Variants in TFDP1 observed in about 807,000 individuals in gnomAD.
TFDP1 encodes DRTF1-polypeptide 1.
TFDP1 carries 6 observed loss-of-function variants against 48.0 expected under a neutral mutation model. The observed-to-expected ratio is 0.13, with a 90% confidence interval of 0.07 to 0.25. The LOEUF (loss-of-function observed/expected upper bound fraction) is 0.25, where lower values mean the gene tolerates loss of function less well. Ranked by LOEUF, TFDP1 falls within the 10% of genes least tolerant of loss-of-function variation. The probability of loss-of-function intolerance (pLI) is 1.00; values close to 1 mark genes in which losing one functional copy is unlikely to be tolerated. For synonymous variants in TFDP1, 201 were observed against 211.6 expected (o/e 0.95, Z 0.44); for missense variants, 335 against 543.0 (o/e 0.62, Z 3.81).
chr13:113,636,538 G>T lies in TFDP1; in HGVS notation c.844G>T (p.Glu282Ter). The change falls in exon 10 of 12, where the codon GAG (glutamate) becomes TAG (stop). Residue 282 changes from glutamate (E) to a stop codon, truncating the protein, a stop_gained. Transcript: ENST00000375370. LOFTEE classifies it high-confidence loss of function. ...GACTGTGCCTTTCCCCTTCAGATTT[G>T]AGTATCTGTTTAATTTTGACAACAC... Reference protein sequence around the residue: ...IDCSISNDKFEYLFNFDNTFE... With the variant: ...IDCSISNDKF The T allele has an allele frequency of 6.2e-7, 1 of 1,613,686 alleles. No homozygotes were observed. Among genetic ancestry groups the T allele is most frequent in the South Asian group, 1.1e-5 (1 of 91,052 alleles).
chr13:113,637,535 A>C, intron 10 of TFDP1: 1 of 1,324,126 alleles, frequency 7.6e-7, no homozygotes, highest in Non-Finnish European at 1.0e-6. Context: ...CACGATGGGT[A>C]TGATACTGAG....
Position 113,640,747 on chromosome 13 carries a change from A to G in TFDP1, c.*480A>G, listed in dbSNP as rs1013103353. The stretch of plus-strand genomic sequence containing the variant: ...GTACGGTGTCCAAGCAAACAGCAGA[A>G]TGCAACTTTCTAAACAGCCCCAAGC... On this transcript the variant is annotated 3_prime_UTR_variant, in exon 12 of 12. Coordinates refer to ENST00000375370, the MANE Select transcript of TFDP1 (RefSeq NM_007111.5). The G allele has an allele frequency of 5.6e-6, 1 of 177,426 alleles. No homozygotes were observed. The highest frequency in any genetic ancestry group is 6.5e-5 in the Admixed American group (1 of 15,432). The allele number at this position is 177,426 out of a possible 1,614,324, so 11.0% of individuals were successfully genotyped here.
chr13:113,633,860 T>G lies in TFDP1; in HGVS notation c.475-30T>G, dbSNP rs1215017419. ...AGGATCCACCGGCCTTTTTGGATCA[T>G]TTGGAAACTCCACTCCCTGTCATCC... On this transcript the variant is annotated intron_variant, in intron 6 of 11. Transcript: ENST00000375370. This position sits in a 1 kb window ranked among gnomAD's most constrained non-coding sequence, Gnocchi z 4.5. The G allele has an allele frequency of 6.3e-7, 1 of 1,585,172 alleles. No homozygotes were observed. The highest frequency in any genetic ancestry group is 2.2e-5 in the East Asian group (1 of 44,646).
In TFDP1 at chr13:113,585,893, A is replaced by G. The variant is rs1258120389; in HGVS notation, c.12+44A>G. 14 of 1,588,562 alleles carry G rather than the reference A, an allele frequency of 8.8e-6. No homozygotes were observed. In the African/African-American group the frequency reaches 1.7e-4, roughly 20 times the overall value. On this transcript the variant is annotated intron_variant, in intron 2 of 11. Transcript: ENST00000375370. ...TGCTGCACACGAATGTTTGCCTCGC[A>G]CTAAATTCTTTGTAGTTCTCTGCCT...
At position 113,633,769 on chromosome 13, in the gene TFDP1, C is replaced by A; in HGVS notation, c.475-121C>A. The A allele has an allele frequency of 8.3e-7, 1 of 1,197,844 alleles. No homozygotes were observed. The highest frequency in any genetic ancestry group is 1.2e-6 in the Non-Finnish European group (1 of 849,536). 74.2% of individuals were successfully genotyped at this position (1,197,844 alleles called of 1,614,324 possible). On this transcript the variant is annotated intron_variant, in intron 6 of 11. Transcript: ENST00000375370. This position sits in a 1 kb window ranked among gnomAD's most constrained non-coding sequence, Gnocchi z 4.5. Reference sequence around the variant, plus strand: ...GTGGGGTGGGAGCGCTCCCTGAGGGCATGTTGGGGTGGCGGCTCCGTGAGC... The same window carrying A: ...GTGGGGTGGGAGCGCTCCCTGAGGGAATGTTGGGGTGGCGGCTCCGTGAGC...
chr13:113,587,569 C>G (rs1179623077), intron 2 of TFDP1, among the ~76,000 whole-genome samples: 1 of 149,274 alleles, frequency 6.7e-6, no homozygotes, highest in Non-Finnish European at 1.5e-5. Context: ...ACTGCAACCT[C>G]TGTCTCCTGG....
At chr13:113,595,567 C>G (rs2048266699) in intron 2 of TFDP1, among the ~76,000 whole-genome samples, 1 of 152,232 alleles carries the variant, frequency 6.6e-6, no homozygotes. Flanking sequence ...TAATTACCCA[C>G]TCCCCTGTGG....
intron 2 of TFDP1, chr13:113,586,061 C>G (rs929937037): frequency 1.3e-5 from 6 of 475,722 alleles, no homozygotes; most frequent in Non-Finnish European, 2.2e-5. Flanking sequence ...CCTTGGATAC[C>G]ACACTGCAGT....
At position 113,623,582 on chromosome 13, in the gene TFDP1, C is replaced by G. The variant is rs545655478; in HGVS notation, c.186+296C>G. Among the ~76,000 whole-genome samples, 3 of 152,296 alleles carry G rather than the reference C, an allele frequency of 2.0e-5. No homozygotes were observed. Among genetic ancestry groups the G allele is most frequent in the Non-Finnish European group, 4.4e-5 (3 of 68,010 alleles). On this transcript the variant is annotated intron_variant, in intron 4 of 11. Transcript: ENST00000375370. This position sits in a 1 kb window ranked among gnomAD's most constrained non-coding sequence, Gnocchi z 5.2. ...GTGGGGCCGCGGCCCCAACCAGAGG[C>G]AGCTTCCTTTTAGTGTCAGAGCTCG... is the stretch of plus-strand genomic sequence containing the variant.
intron 2 of TFDP1, among the ~76,000 whole-genome samples, chr13:113,592,799 G>C: frequency 6.6e-6 from 1 of 151,582 alleles, no homozygotes. Context: ...TGTGGTGTCT[G>C]TGGGTCTTCA....
At chr13:113,621,247 G>A (rs778767432) in intron 3 of TFDP1, among the ~76,000 whole-genome samples, 1 of 152,182 alleles carries the variant, frequency 6.6e-6, no homozygotes, top group African/African-American at 2.4e-5. Flanking sequence ...TGGCGAGATC[G>A]GGGAGTTCTT....
chr13:113,626,286 A>T (rs895514641), intron 4 of TFDP1, among the ~76,000 whole-genome samples: 1 of 152,220 alleles, frequency 6.6e-6, no homozygotes, highest in Non-Finnish European at 1.5e-5. Flanking sequence ...TTCTTCAGAG[A>T]ACATGACCAC....
chr13:113,605,152 G>A (rs181737057), intron 2 of TFDP1, among the ~76,000 whole-genome samples: 25 of 152,102 alleles, frequency 1.6e-4, no homozygotes, highest in African/African-American at 5.3e-4. Flanking sequence ...TGGGGCGGGG[G>A]GGCGTCATAA....
chr13:113,622,478 C>A (rs2049019249), intron 3 of TFDP1, among the ~76,000 whole-genome samples: 1 of 152,242 alleles, frequency 6.6e-6, no homozygotes, highest in Admixed American at 6.5e-5. Flanking sequence ...CTCGCTACCA[C>A]CTGGTTTACG....
Position 113,633,904 on chromosome 13 carries a change from A to G in TFDP1, c.489A>G (p.Lys163=), listed in dbSNP as rs983852023. ...GTCATCCCCAGGCTTATGACCAGAAAAACATAAGACGGCGCGTCTACGATG... is the reference window on the plus strand; with the variant it reads ...GTCATCCCCAGGCTTATGACCAGAAGAACATAAGACGGCGCGTCTACGATG... ...ILPNESAYDQ[K]NIRRRVYDAL... Residue 163 remains lysine (K), a synonymous_variant, in exon 7 of 12, where the codon AAA becomes AAG. Coordinates refer to ENST00000375370, the MANE Select transcript of TFDP1 (RefSeq NM_007111.5). The surrounding 1 kb of genome is among the most constrained non-coding windows in gnomAD (Gnocchi z 4.5). The G allele has an allele frequency of 3.7e-6, 6 of 1,612,500 alleles. No homozygotes were observed. The African/African-American group carries it at 8.0e-5, about 22-fold the overall frequency.
chr13:113,589,323 G>A (rs1229563271), intron 2 of TFDP1, among the ~76,000 whole-genome samples: 1 of 152,190 alleles, frequency 6.6e-6, no homozygotes, highest in African/African-American at 2.4e-5. Context: ...GGAACCTGAG[G>A]CCTGGTCTTG....
At chr13:113,634,838 T>C (rs573339700) in intron 8 of TFDP1, among the ~76,000 whole-genome samples, 7 of 151,974 alleles carry the variant, frequency 4.6e-5, no homozygotes, top group Non-Finnish European at 8.8e-5. Context: ...TGTGTGTGTG[T>C]GTGCATGTGC....
chr13:113,599,092 T>C (rs1181141200), intron 2 of TFDP1, among the ~76,000 whole-genome samples: 2 of 152,196 alleles, frequency 1.3e-5, no homozygotes, highest in African/African-American at 2.4e-5. Flanking sequence ...TAAATACACA[T>C]GTACAGTACG....
intron 9 of TFDP1, 56 bp from the exon 10 acceptor site, chr13:113,636,476 AGT>A (rs372397146): frequency 6.3e-7 from 1 of 1,585,634 alleles, no homozygotes; most frequent in East Asian, 2.2e-5. Flanking sequence ...GCTCCACCCC[AGT>A]GTGTACCGTC....
Sources: gnomAD v4.1 joint callset for allele counts (sites outside exome capture counted in the v4.1 genomes callset) on GRCh38, gnomAD v4.1.1 for gene constraint, Gnocchi (gnomAD v3.1) non-coding constraint, MANE v1.5 for transcripts, NCBI Gene and HGNC (gene_info 2026-07-23, HGNC 2026-07-21) for gene names.